The following NSUN6 variants were observed in gnomAD, a reference collection of about 807,000 sequenced individuals.
NSUN6 encodes the protein NOP2/Sun RNA methyltransferase 6.
In NSUN6, 64 loss-of-function variants were observed where a neutral mutation model predicts 58.0. The ratio of observed to expected loss-of-function variants is 1.10; its 90% CI spans 0.90 to 1.36. The LOEUF is 1.36. NSUN6 is among the 40% of genes most tolerant of loss of function. The pLI is 0.00. For missense variants in NSUN6, 701 were observed against 550.1 expected (o/e 1.27, Z -2.74); for synonymous variants, 231 against 193.9 (o/e 1.19, Z -1.59).
At chr10:18,653,963 C>T (rs1443317076), upstream of NSUN6, among the ~76,000 whole-genome samples, 1 of 152,064 alleles carries the variant, frequency 6.6e-6, no homozygotes, top group African/African-American at 2.4e-5. Context: ...TTGTGGAACT[C>T]CAAAGCTTAA....
chr10:18,620,118 A>C (rs2058552179), intron 3 of NSUN6, among the ~76,000 whole-genome samples: 1 of 149,738 alleles, frequency 6.7e-6, no homozygotes, highest in Non-Finnish European at 1.5e-5. Flanking sequence ...GACGGAGTCT[A>C]GCTCTGTCTC....
chr10:18,653,038 T>C (rs1445872670), upstream of NSUN6: 8 of 984,776 alleles, frequency 8.1e-6, no homozygotes, highest in South Asian at 2.8e-4. Context: ...CTAAAACATC[T>C]GAAAGTGATA....
chr10:18,634,419 C>T (rs917540439), intron 3 of NSUN6, among the ~76,000 whole-genome samples: 4 of 152,060 alleles, frequency 2.6e-5, no homozygotes, highest in African/African-American at 9.7e-5. Context: ...ATACTATTGA[C>T]AAGAGAGCCA....
At chr10:18,628,571 G>A (rs1340253353) in intron 3 of NSUN6, among the ~76,000 whole-genome samples, 3 of 152,168 alleles carry the variant, frequency 2.0e-5, no homozygotes. Context: ...GGAGCTGAGG[G>A]AGCTGAAAAC....
At chr10:18,548,319 T>C (rs1005800220) in intron 9 of NSUN6, 82 bp from the exon 10 acceptor site, 1 of 1,205,582 alleles carries the variant, frequency 8.3e-7, no homozygotes, top group Admixed American at 2.3e-5. Flanking sequence ...AGGTATAATG[T>C]CTTTCAAATG....
At chr10:18,566,368 A>G (rs1803340482) in intron 8 of NSUN6, among the ~76,000 whole-genome samples, 1 of 145,838 alleles carries the variant, frequency 6.9e-6, no homozygotes, top group Non-Finnish European at 1.5e-5. Context: ...TCCACTCCAC[A>G]TTCCATTCCA....
chr10:18,556,968 AGGGAATGGAATG>A (rs900625713), intron 8 of NSUN6, among the ~76,000 whole-genome samples: 3 of 151,100 alleles, frequency 2.0e-5, no homozygotes, highest in Admixed American at 6.6e-5. Flanking sequence ...GGAGAATGGA[AGGGAATGGAATG>A]GAGAATGGAA....
chr10:18,634,416 T>G (rs1347457054), intron 3 of NSUN6, among the ~76,000 whole-genome samples: 1 of 152,046 alleles, frequency 6.6e-6, no homozygotes, highest in Non-Finnish European at 1.5e-5. Flanking sequence ...CCTATACTAT[T>G]GACAAGAGAG....
intron 7 of NSUN6, among the ~76,000 whole-genome samples, chr10:18,591,620 A>G (rs1564770347): frequency 6.6e-6 from 1 of 152,310 alleles, no homozygotes; most frequent in East Asian, 1.9e-4. Flanking sequence ...GACAAAAACC[A>G]CATGATTATC....
chr10:18,609,227 C>T (rs1461195649), intron 6 of NSUN6, among the ~76,000 whole-genome samples: 2 of 152,290 alleles, frequency 1.3e-5, no homozygotes, highest in East Asian at 3.9e-4. Context: ...AGGAAGATCG[C>T]TTGAGCCCAG....
At chr10:18,651,941 G>C (rs1322234581), upstream of NSUN6, 13 of 985,322 alleles carry the variant, frequency 1.3e-5, no homozygotes, top group East Asian at 1.1e-4. Flanking sequence ...TGTCCTGCCA[G>C]ATGTCCTCCA....
intron 6 of NSUN6, among the ~76,000 whole-genome samples, chr10:18,607,541 C>A (rs1397965685): frequency 6.6e-6 from 1 of 152,214 alleles, no homozygotes; most frequent in East Asian, 1.9e-4. Context: ...TAACTAAACA[C>A]TGACCACAGA....
chr10:18,644,346 G>C (rs1439808707), intron 2 of NSUN6, among the ~76,000 whole-genome samples: 1 of 152,158 alleles, frequency 6.6e-6, no homozygotes, highest in Non-Finnish European at 1.5e-5. Flanking sequence ...ACTTGACCCA[G>C]ACTGGTCAAA....
chr10:18,637,213 T>A (rs1488740208), intron 3 of NSUN6, among the ~76,000 whole-genome samples: 1 of 152,094 alleles, frequency 6.6e-6, no homozygotes. Flanking sequence ...TCCACCCCCC[T>A]GGGCCTCCCA....
chr10:18,614,549 G>A lies in NSUN6; in HGVS notation c.486C>T (p.Ala162=). 1 of 1,523,854 alleles carries A rather than the reference G, an allele frequency of 6.6e-7. No individual in the cohort carries two copies. The highest frequency in any genetic ancestry group is 2.4e-5 in the East Asian group (1 of 40,906). The allele number at this position is 1,523,854 out of a possible 1,614,324, so 94.4% of individuals were successfully genotyped here. ...ATACTTTTGTTCCATCAAATTCTTT[G>A]GCTCCTTTCTTACATTTTCCTTTAA... ...SDIKGKCKKG[A]KEFDGTKVFL... is the part of the protein sequence containing the mutation. Residue 162 remains alanine, a synonymous_variant, in exon 5 of 11, where the codon GCC becomes GCT. Coordinates refer to ENST00000377304, the MANE Select transcript of NSUN6 (RefSeq NM_182543.5).
chr10:18,591,505 T>C (rs533735253), intron 7 of NSUN6, among the ~76,000 whole-genome samples: 9 of 152,248 alleles, frequency 5.9e-5, no homozygotes, highest in Admixed American at 2.6e-4. Flanking sequence ...CAGCAGTACA[T>C]TAAAAAGCTT....
intron 8 of NSUN6, among the ~76,000 whole-genome samples, chr10:18,556,468 A>G (rs2133462410): frequency 6.6e-6 from 1 of 151,126 alleles, no homozygotes; most frequent in East Asian, 2.0e-4. Context: ...GAAATGGAGA[A>G]TGGAATGGAA....
chr10:18,554,005 T>A (rs551197313), intron 8 of NSUN6, among the ~76,000 whole-genome samples: 1 of 147,584 alleles, frequency 6.8e-6, no homozygotes, highest in African/African-American at 2.5e-5. Flanking sequence ...GAGAATGTAA[T>A]TGATTACAGA....
chr10:18,640,020 G>GTC (rs1223686104), intron 3 of NSUN6, among the ~76,000 whole-genome samples: 1 of 152,136 alleles, frequency 6.6e-6, no homozygotes, highest in Non-Finnish European at 1.5e-5. Context: ...AAAACTAAAT[G>GTC]TCTATCAATG....
Sources: gnomAD v4.1 joint callset for allele counts (sites outside exome capture counted in the v4.1 genomes callset) on GRCh38, gnomAD v4.1.1 for gene constraint, MANE v1.5 for transcripts, NCBI Gene and HGNC (gene_info 2026-07-23, HGNC 2026-07-21) for gene names.